The following RRP1B variants were observed in gnomAD, a reference collection of about 807,000 sequenced individuals.
RRP1B encodes the protein ribosomal RNA processing protein 1 homolog B.
Under a neutral mutation model 80.2 loss-of-function variants are expected in RRP1B, and 56 were observed. The observed-to-expected ratio is 0.70, with a 90% confidence interval of 0.56 to 0.87. RRP1B has a LOEUF of 0.87. Ranked by LOEUF, RRP1B falls within the 40% of genes least tolerant of loss-of-function variation. The probability of loss-of-function intolerance (pLI) is 0.00; values close to 1 mark genes in which losing one functional copy is unlikely to be tolerated. For synonymous variants in RRP1B, 351 were observed against 357.6 expected, an observed-to-expected ratio of 0.98 and a Z score of 0.21; for missense variants, 807 against 939.8, an observed-to-expected ratio of 0.86 and a Z score of 1.85.
chr21:43,668,531 C>A (rs528368340), intron 1 of RRP1B, among the ~76,000 whole-genome samples: 1 of 151,898 alleles, frequency 6.6e-6, no homozygotes, highest in South Asian at 2.1e-4. Context: ...CCATACCCGG[C>A]TAATTTTTTT....
intron 3 of RRP1B, 93 bp from the exon 4 acceptor site, chr21:43,673,777 A>G: frequency 1.4e-6 from 1 of 708,830 alleles, no homozygotes; most frequent in Non-Finnish European, 2.4e-6. Flanking sequence ...TGAATAATAA[A>G]TAATGCTAGT....
At chr21:43,661,596 G>A (rs184256099) in intron 1 of RRP1B, among the ~76,000 whole-genome samples, 129 of 152,224 alleles carry the variant, frequency 8.5e-4, no homozygotes, top group Admixed American at 7.1e-3. Flanking sequence ...TTCTGCGCCC[G>A]CATATTCCCC....
rs746294277 is a variant in RRP1B, at chr21:43,676,295, G to C, written c.573G>C (p.Lys191Asn). 17 of 1,612,906 alleles carry C rather than the reference G, an allele frequency of 1.1e-5. No individual in the cohort carries two copies. Among genetic ancestry groups the C allele is most frequent in the Admixed American group, 1.7e-5 (1 of 59,810 alleles). The change falls in exon 7 of 16, where the codon AAG becomes AAC. Residue 191 changes from lysine to asparagine, a missense_variant. By Grantham distance (94) the Lys-to-Asn change is moderately conservative. Transcript: ENST00000340648. ...GKELLADQNL[K>N]FIDPFCKIAA... ...AGCTTTTAGCAGATCAGAATCTCAAGTTTATCGATCCATTCTGCAAAATTG... is the reference window on the plus strand; with the variant it reads ...AGCTTTTAGCAGATCAGAATCTCAACTTTATCGATCCATTCTGCAAAATTG...
Position 43,659,812 on chromosome 21 carries a change from G to A in RRP1B, c.130+18G>A, listed in dbSNP as rs1031514656. 3 of 1,497,340 alleles carry A rather than the reference G, an allele frequency of 2.0e-6. No homozygotes were observed. The highest frequency in any genetic ancestry group is 2.9e-5 in the African/African-American group (2 of 69,304). 92.8% of individuals were successfully genotyped at this position (1,497,340 alleles called of 1,614,324 possible). A position where few individuals can be genotyped will look rare whatever the true frequency, so the allele number is the denominator to read the frequency against. ...GGAGACAGGTGGGCGCACGGCCGCG[G>A]TCAGCCGCGCCACATGGCGGGCCGG... On this transcript the variant is annotated intron_variant, in intron 1 of 15. Transcript: ENST00000340648. This position sits in a 1 kb window ranked among gnomAD's most constrained non-coding sequence, Gnocchi z 4.2.
intron 12 of RRP1B, 86 bp downstream of exon 12, chr21:43,687,021 G>A: frequency 6.9e-7 from 1 of 1,440,830 alleles, no homozygotes; most frequent in Non-Finnish European, 9.5e-7. Flanking sequence ...TTGAGCTCGT[G>A]CCGTCATAAA....
rs371767024 is a variant in RRP1B, at chr21:43,672,297, C to G, written c.214-11C>G. 1 of 1,613,810 alleles carries G rather than the reference C, an allele frequency of 6.2e-7. No homozygotes were observed. On this transcript the variant is annotated splice_polypyrimidine_tract_variant and intron_variant, in intron 2 of 15. Coordinates refer to ENST00000340648, the MANE Select transcript of RRP1B (RefSeq NM_015056.3). ...TAACCCCCATGTTTCTCCCCAACCC[C>G]GCCTCTGCAGGAAGAGCTCGCCAAC...
intron 2 of RRP1B, among the ~76,000 whole-genome samples, chr21:43,670,370 G>A (rs900813576): frequency 2.0e-5 from 3 of 152,238 alleles, no homozygotes; most frequent in African/African-American, 7.2e-5. Context: ...GGGTTCCATG[G>A]AGAGCAGCAG....
chr21:43,687,824 A>G lies in RRP1B; in HGVS notation c.1450A>G (p.Arg484Gly), dbSNP rs1464245518. The change falls in exon 13 of 16, where the codon AGG becomes GGG. Residue 484 changes from arginine (R) to glycine (G), a missense_variant. Physicochemically the swap from Arg to Gly is moderately radical, Grantham distance 125. Coordinates refer to ENST00000340648, the MANE Select transcript of RRP1B (RefSeq NM_015056.3). ...ACGGAAGAAGAGCCCGAGGGCCCAC[A>G]GGGAAATGTTGGAATCAGCAGTGTT... is the stretch of plus-strand genomic sequence containing the variant. Reference protein sequence around the residue: ...RPRKKSPRAHREMLESAVLPP... With the variant: ...RPRKKSPRAHGEMLESAVLPP... The G allele has an allele frequency of 2.5e-6, 4 of 1,613,162 alleles. No homozygotes were observed. Among genetic ancestry groups the G allele is most frequent in the Non-Finnish European group, 8.5e-7 (1 of 1,180,042 alleles).
chr21:43,677,734 T>G (rs1485274599), intron 8 of RRP1B, among the ~76,000 whole-genome samples: 1 of 152,262 alleles, frequency 6.6e-6, no homozygotes, highest in Non-Finnish European at 1.5e-5. Context: ...ATTTGTGCTT[T>G]TATTTTAAGT....
chr21:43,683,766 G>A (rs927857139), intron 9 of RRP1B, among the ~76,000 whole-genome samples: 14 of 151,262 alleles, frequency 9.3e-5, no homozygotes, highest in African/African-American at 2.9e-4. Flanking sequence ...GATCACCTGA[G>A]GTCAAGAGTT....
At chr21:43,685,187 G>A (rs138014919) in intron 10 of RRP1B, among the ~76,000 whole-genome samples, 2 of 152,242 alleles carry the variant, frequency 1.3e-5, no homozygotes, top group East Asian at 3.9e-4. Context: ...TGAGCACTTT[G>A]TATACATTCA....
chr21:43,674,001 A>G, intron 4 of RRP1B, 46 bp downstream of exon 4: 1 of 1,383,906 alleles, frequency 7.2e-7, no homozygotes, highest in South Asian at 1.2e-5. Flanking sequence ...GAAGAAAAGA[A>G]TGTCCTTTAT....
chr21:43,669,417 C>G (rs921549700), intron 1 of RRP1B, among the ~76,000 whole-genome samples: 1 of 152,206 alleles, frequency 6.6e-6, no homozygotes, highest in Non-Finnish European at 1.5e-5. Context: ...GTGTCCTCAG[C>G]CTGGCTGGTT....
rs2083086542 is a variant in RRP1B at position 43,691,598 on chromosome 21, G to C, written c.2083+96G>C. On this transcript the variant is annotated intron_variant, in intron 15 of 15. Coordinates refer to ENST00000340648, the MANE Select transcript of RRP1B (RefSeq NM_015056.3). The surrounding 1 kb of genome is among the most constrained non-coding windows in gnomAD (Gnocchi z 4.2). ...GGTTCCACAAGGCGGTCGGGGAAGA[G>C]GGGGGTCCTAGCTCCTCACTGCCCA... The C allele has an allele frequency of 9.9e-7, 1 of 1,014,912 alleles. No individual in the cohort carries two copies. The highest frequency in any genetic ancestry group is 1.5e-6 in the Non-Finnish European group (1 of 650,754). The allele number at this position is 1,014,912 out of a possible 1,614,324, so 62.9% of individuals were successfully genotyped here.
At chr21:43,676,676 C>A in intron 7 of RRP1B, 57 bp from the exon 8 acceptor site, 1 of 1,514,956 alleles carries the variant, frequency 6.6e-7, no homozygotes, top group South Asian at 1.2e-5. Flanking sequence ...CCCCTGAAGC[C>A]AGAAGGCCAG....
chr21:43,687,565 A>G lies in RRP1B; in HGVS notation c.1191A>G (p.Gln397=), dbSNP rs1340980188. ...VEEEDSESSL[Q]KRRRKKKKKH... ...AAGAGGACAGTGAAAGCAGTCTTCA[A>G]AAGAGAAGAAGGAAGAAGAAGAAGA... The change falls in exon 13 of 16, where the codon CAA becomes CAG. Residue 397 remains glutamine (Q), a synonymous_variant. Transcript: ENST00000340648. The G allele has an allele frequency of 4.0e-6, 6 of 1,504,006 alleles. No homozygotes were observed. In the South Asian group the frequency reaches 8.1e-5, roughly 20 times the overall value. 93.2% of individuals were successfully genotyped at this position (1,504,006 alleles called of 1,614,324 possible).
Position 43,672,318 on chromosome 21 carries a change from C to G in RRP1B, c.224C>G (p.Ala75Gly), listed in dbSNP as rs2083002943. 6.2e-7 allele frequency: 1 copy of G among 1,614,134 alleles called. No homozygotes were observed. The highest frequency in any genetic ancestry group is 1.3e-5 in the African/African-American group (1 of 75,036). The change falls in exon 3 of 16, where the codon GCC (alanine) becomes GGC (glycine). Residue 75 changes from alanine to glycine, a missense_variant. Ala to Gly is a moderately conservative substitution (Grantham distance 60). Coordinates refer to ENST00000340648, the MANE Select transcript of RRP1B (RefSeq NM_015056.3). ...QDEPLLQEEL[A>G]NTIAQLVHAV... is the part of the protein sequence containing the mutation. ...ACCCCGCCTCTGCAGGAAGAGCTCG[C>G]CAACACCATTGCACAGCTAGTCCAT...
intron 1 of RRP1B, among the ~76,000 whole-genome samples, chr21:43,669,665 G>A (rs1349063227): frequency 6.6e-6 from 1 of 152,176 alleles, no homozygotes; most frequent in East Asian, 1.9e-4. Context: ...GCTGAGGCCG[G>A]GCCACCACTG....
rs1417236509 is a variant in RRP1B, at chr21:43,687,990, C to T, written c.1616C>T (p.Thr539Met). The T allele has an allele frequency of 7.4e-6, 12 of 1,612,834 alleles. No homozygotes were observed. The East Asian group carries it at 1.1e-4, about 15-fold the overall frequency. ...CCCGTCAATGGCAGTGGCCTGTCCA[C>T]GCCGGCCTGGCCTCCATTGCAGCAG... ...VVPVNGSGLS[T>M]PAWPPLQQEG... Residue 539 changes from threonine (T) to methionine (M), a missense_variant, in exon 13 of 16, where the codon ACG becomes ATG. By Grantham distance (81) the Thr-to-Met change is moderately conservative. Transcript: ENST00000340648.
Sources: gnomAD v4.1 joint callset for allele counts (sites outside exome capture counted in the v4.1 genomes callset) on GRCh38, gnomAD v4.1.1 for gene constraint, Gnocchi (gnomAD v3.1) non-coding constraint, MANE v1.5 for transcripts, NCBI Gene and HGNC (gene_info 2026-07-23, HGNC 2026-07-21) for gene names.